STRBP: variants seen among roughly 807,000 people sequenced by gnomAD.
STRBP encodes spermatid perinuclear RNA binding protein, also known as spermatid perinuclear RNA-binding protein.
In STRBP, 13 loss-of-function variants were observed where a neutral mutation model predicts 80.1. The observed-to-expected ratio is 0.16, with a 90% CI of 0.11 to 0.26. The LOEUF (loss-of-function observed/expected upper bound fraction) is 0.26. Ranked by LOEUF, STRBP falls within the 10% of genes least tolerant of loss-of-function variation. The pLI is 1.00. For missense variants in STRBP, 485 were observed against 815.2 expected (o/e 0.59, Z 4.93); for synonymous variants, 284 against 291.2 (o/e 0.98, Z 0.25).
At position 123,122,246 on chromosome 9, in the gene STRBP, CA is replaced by C; in HGVS notation, c.*3350del. The C allele has an allele frequency of 9.4e-7, 1 of 1,062,264 alleles. No homozygotes were observed. The highest frequency in any genetic ancestry group is 1.3e-6 in the Non-Finnish European group (1 of 783,902). The allele number at this position is 1,062,264 out of a possible 1,614,324, so 65.8% of individuals were successfully genotyped here. A position where few individuals can be genotyped will look rare whatever the true frequency, so the allele number is the denominator to read the frequency against. Reference sequence around the variant, plus strand: ...TCACTATATCTCAGCCTATTTTATACAAGTGATATGGCTACGAAGGTCCGAG... The same window carrying C: ...TCACTATATCTCAGCCTATTTTATACAGTGATATGGCTACGAAGGTCCGAG... On this transcript the variant is annotated 3_prime_UTR_variant, in exon 19 of 19. Coordinates refer to ENST00000348403, the MANE Select transcript of STRBP (RefSeq NM_018387.5).
At chr9:123,193,337 C>G (rs1202173244) in intron 2 of STRBP, among the ~76,000 whole-genome samples, 6 of 152,286 alleles carry the variant, frequency 3.9e-5, no homozygotes, top group Middle Eastern at 6.8e-3. Flanking sequence ...GAGGTTCCAT[C>G]CAAAAGGTCA....
At chr9:123,174,355 T>C (rs1443988794) in intron 4 of STRBP, among the ~76,000 whole-genome samples, 2 of 152,202 alleles carry the variant, frequency 1.3e-5, no homozygotes, top group South Asian at 4.1e-4. Flanking sequence ...AGAGGATTGT[T>C]TGAGCCCAGG....
chr9:123,135,002 A>G (rs1445058966), intron 16 of STRBP, among the ~76,000 whole-genome samples: 1 of 152,240 alleles, frequency 6.6e-6, no homozygotes, highest in East Asian at 1.9e-4. Flanking sequence ...TGTTTATTAT[A>G]GCAAATACAA....
chr9:123,263,053 G>C (rs950191062), intron 1 of STRBP, among the ~76,000 whole-genome samples: 7 of 152,274 alleles, frequency 4.6e-5, no homozygotes, highest in African/African-American at 1.7e-4. Context: ...TTACTAGTCA[G>C]AAACAGTTTC....
intron 6 of STRBP, among the ~76,000 whole-genome samples, chr9:123,165,079 G>A (rs1424211676): frequency 6.6e-6 from 1 of 151,840 alleles, no homozygotes; most frequent in African/African-American, 2.4e-5. Flanking sequence ...TCAAGAGATC[G>A]AGATCATCCT....
At position 123,159,100 on chromosome 9, in the gene STRBP, A is replaced by G; in HGVS notation, c.831T>C (p.Leu277=). 1 of 1,612,372 alleles carries G rather than the reference A, an allele frequency of 6.2e-7. No individual in the cohort carries two copies. Among genetic ancestry groups the G allele is most frequent in the Non-Finnish European group, 8.5e-7 (1 of 1,178,552 alleles). ...TCCAGAGTTTGAAACCCTTACCAGG[A>G]AGTAGTATTCCAGATGCCAAACACT... ...VMECLASGIL[L]PGGPGLHDPC... The change falls in exon 9 of 19, where the codon CTT becomes CTC. Residue 277 remains leucine (L), a synonymous_variant. Transcript: ENST00000348403.
Position 123,146,969 on chromosome 9 carries a change from A to T in STRBP, c.1224T>A (p.Ser408=). ...IRPGLQYKLL[S]QSGPVHAPVF... ...CTGGGGCATGAACGGGGCCAGACTGAGATAGGAGCTTATACTGAAGCCCAG... is the reference window on the plus strand; with the variant it reads ...CTGGGGCATGAACGGGGCCAGACTGTGATAGGAGCTTATACTGAAGCCCAG... Residue 408 remains serine (S), a synonymous_variant, in exon 13 of 19, where the codon TCT becomes TCA. Coordinates refer to ENST00000348403, the MANE Select transcript of STRBP (RefSeq NM_018387.5). 2 of 1,614,100 alleles carry T rather than the reference A, an allele frequency of 1.2e-6. No homozygotes were observed. Among genetic ancestry groups the T allele is most frequent in the Non-Finnish European group, 1.7e-6 (2 of 1,179,996 alleles).
intron 2 of STRBP, among the ~76,000 whole-genome samples, chr9:123,233,260 TG>T (rs200904692): frequency 3.9e-5 from 6 of 151,912 alleles, no homozygotes; most frequent in African/African-American, 7.3e-5. Flanking sequence ...TTTTTAGAGA[TG>T]GGGGGGTCTC....
intron 6 of STRBP, among the ~76,000 whole-genome samples, chr9:123,167,810 T>C (rs1448683134): frequency 6.6e-6 from 1 of 152,190 alleles, no homozygotes; most frequent in Non-Finnish European, 1.5e-5. Flanking sequence ...TCTCTTACTT[T>C]ATTACAAAAT....
At chr9:123,129,579 T>C (rs1005850984) in intron 17 of STRBP, among the ~76,000 whole-genome samples, 1 of 152,142 alleles carries the variant, frequency 6.6e-6, no homozygotes, top group Admixed American at 6.5e-5. Flanking sequence ...GAGAACAGGA[T>C]CAATTATCAC....
intron 4 of STRBP, among the ~76,000 whole-genome samples, chr9:123,178,494 TCCACAAA>T (rs2038317041): frequency 6.6e-6 from 1 of 152,132 alleles, no homozygotes; most frequent in Non-Finnish European, 1.5e-5. Context: ...CTTTATCCAA[TCCACAAA>T]TATACAAAGA....
At chr9:123,243,272 A>G (rs905741336) in intron 1 of STRBP, among the ~76,000 whole-genome samples, 1 of 147,252 alleles carries the variant, frequency 6.8e-6, no homozygotes, top group Non-Finnish European at 1.5e-5. Context: ...AGACAAAAAA[A>G]AAAAAAAAAA....
chr9:123,240,470 A>C (rs1295807329), intron 1 of STRBP, among the ~76,000 whole-genome samples: 1 of 152,180 alleles, frequency 6.6e-6, no homozygotes, highest in African/African-American at 2.4e-5. Context: ...TCACTAGCTA[A>C]TTTTCTCACA....
chr9:123,177,453 G>A (rs1222459692), intron 4 of STRBP, among the ~76,000 whole-genome samples: 2 of 152,028 alleles, frequency 1.3e-5, no homozygotes, highest in Non-Finnish European at 2.9e-5. Context: ...CACACTTATA[G>A]TCCTAGCTAT....
chr9:123,145,921 A>G (rs62578995), intron 13 of STRBP, among the ~76,000 whole-genome samples: 6 of 151,936 alleles, frequency 3.9e-5, no homozygotes, highest in African/African-American at 1.2e-4. Flanking sequence ...TCTGATCACT[A>G]TCTGATGTTT....
chr9:123,239,082 A>G (rs1206601292), intron 1 of STRBP, among the ~76,000 whole-genome samples: 1 of 152,186 alleles, frequency 6.6e-6, no homozygotes, highest in Non-Finnish European at 1.5e-5. Flanking sequence ...TCTTCTTAAT[A>G]TGGAATGCCT....
At chr9:123,149,295 C>T (rs751304256) in intron 11 of STRBP, among the ~76,000 whole-genome samples, 26 of 152,196 alleles carry the variant, frequency 1.7e-4, no homozygotes, top group Non-Finnish European at 1.8e-4. Context: ...CAGAAGGCAA[C>T]GTTGGCTGAG....
At chr9:123,253,220 C>T (rs953471060) in intron 1 of STRBP, among the ~76,000 whole-genome samples, 9 of 152,184 alleles carry the variant, frequency 5.9e-5, no homozygotes, top group African/African-American at 2.2e-4. Flanking sequence ...CAGATAATTT[C>T]TAAGAACAAA....
At chr9:123,176,452 C>A (rs1051688022) in intron 4 of STRBP, among the ~76,000 whole-genome samples, 1 of 152,136 alleles carries the variant, frequency 6.6e-6, no homozygotes, top group African/African-American at 2.4e-5. Flanking sequence ...TACTAAGTAG[C>A]CTTAAGCAAG....
Sources: allele counts gnomAD v4.1 joint callset (sites outside exome capture counted in the v4.1 genomes callset), GRCh38; gene constraint gnomAD v4.1.1; transcripts MANE v1.5; gene names NCBI Gene and HGNC (gene_info 2026-07-23, HGNC 2026-07-21).